Variants in LUZP1 observed in about 807,000 individuals in gnomAD.
LUZP1 encodes leucine zipper protein 1.
Under a neutral mutation model 71.3 loss-of-function variants are expected in LUZP1, and 25 were observed. That is an observed-to-expected ratio of 0.35 (90% CI 0.26 to 0.49). The LOEUF is 0.49. Ranked by LOEUF, LUZP1 falls within the 20% of genes least tolerant of loss-of-function variation. The probability of loss-of-function intolerance (pLI) is 0.99; values close to 1 mark genes in which losing one functional copy is unlikely to be tolerated. For missense variants in LUZP1, 1,142 were observed against 1,300.8 expected, an observed-to-expected ratio of 0.88 and a Z score of 1.88; for synonymous variants, 481 against 506.4, an observed-to-expected ratio of 0.95 and a Z score of 0.67.
intron 2 of LUZP1, among the ~76,000 whole-genome samples, chr1:23,142,696 TATATACACACACACACACACACACACAC>T (rs1394163750): frequency 7.7e-5 from 7 of 90,866 alleles, no homozygotes; most frequent in Admixed American, 1.1e-4. Context: ...AATATATATA[TATATACACACACACACACACACACACAC>T]ACACACACAC....
At chr1:23,160,481 T>G (rs1194144616) in intron 2 of LUZP1, among the ~76,000 whole-genome samples, 1 of 152,238 alleles carries the variant, frequency 6.6e-6, no homozygotes, top group Non-Finnish European at 1.5e-5. Context: ...AAGGAGAATC[T>G]GCTTTGTGGC....
At position 23,094,768 on chromosome 1, in the gene LUZP1, T is replaced by A. The variant is rs1643883900; in HGVS notation, c.-119-388A>T. Among the ~76,000 whole-genome samples the A allele has an allele frequency of 6.6e-6, 1 of 152,186 alleles. No individual in the cohort carries two copies. ...ATGGGCATAATGATGTCTACCGTAT[T>A]TCTCCCCAGTGTTGTTCTGAGATAA... On this transcript the variant is annotated intron_variant, in intron 3 of 4. Transcript: ENST00000302291. The surrounding 1 kb of genome is among the most constrained non-coding windows in gnomAD (Gnocchi z 4.7).
intron 2 of LUZP1, among the ~76,000 whole-genome samples, chr1:23,116,047 G>C (rs746113356): frequency 3.3e-5 from 5 of 152,236 alleles, no homozygotes; most frequent in Non-Finnish European, 7.4e-5. Context: ...CCAGGAGTTT[G>C]AGACCAGCCT....
chr1:23,156,123 G>A (rs1557687962), intron 2 of LUZP1, among the ~76,000 whole-genome samples: 2 of 152,186 alleles, frequency 1.3e-5, no homozygotes, highest in South Asian at 4.1e-4. Context: ...GCTCACACCT[G>A]TAATCCCAGC....
chr1:23,129,918 TATAA>T (rs1472541622), intron 2 of LUZP1, among the ~76,000 whole-genome samples: 1 of 152,200 alleles, frequency 6.6e-6, no homozygotes, highest in Non-Finnish European at 1.5e-5. Flanking sequence ...TTATAAATAT[TATAA>T]ATAAATAAGC....
chr1:23,101,300 A>G (rs1204920381), intron 3 of LUZP1, among the ~76,000 whole-genome samples: 1 of 152,204 alleles, frequency 6.6e-6, no homozygotes, highest in Non-Finnish European at 1.5e-5. Flanking sequence ...CCTTGCACAT[A>G]AGTCACAACA....
intron 2 of LUZP1, among the ~76,000 whole-genome samples, chr1:23,117,331 T>G (rs998428785): frequency 1.3e-5 from 2 of 152,230 alleles, no homozygotes; most frequent in African/African-American, 4.8e-5. Flanking sequence ...TTCATGGGAC[T>G]GTTGTAAGGA....
intron 3 of LUZP1, among the ~76,000 whole-genome samples, chr1:23,102,612 T>C (rs1481810999): frequency 6.6e-6 from 1 of 152,168 alleles, no homozygotes; most frequent in African/African-American, 2.4e-5. Flanking sequence ...ACCACATATA[T>C]ACTGTACAGA....
At chr1:23,150,841 T>C (rs1013774890) in intron 2 of LUZP1, among the ~76,000 whole-genome samples, 4 of 152,120 alleles carry the variant, frequency 2.6e-5, no homozygotes, top group Admixed American at 2.6e-4. Flanking sequence ...ACCTGAAATA[T>C]CCTTTAATTT....
chr1:23,086,710 C>T (rs1241052741), exon 5 of LUZP1: 2 of 152,630 alleles, frequency 1.3e-5, no homozygotes, highest in Non-Finnish European at 2.9e-5. Context: ...GGCAGGGAGG[C>T]TGCAAGTGAA....
At chr1:23,164,284 A>G (rs1644492838) in intron 2 of LUZP1, among the ~76,000 whole-genome samples, 1 of 152,184 alleles carries the variant, frequency 6.6e-6, no homozygotes, top group South Asian at 2.1e-4. Flanking sequence ...TCACGAGGTC[A>G]GGAGATCGAG....
intron 2 of LUZP1, among the ~76,000 whole-genome samples, chr1:23,121,307 G>C (rs769129884): frequency 6.6e-6 from 1 of 152,200 alleles, no homozygotes; most frequent in Non-Finnish European, 1.5e-5. Flanking sequence ...CTCAAGAGCA[G>C]AGATCACATC....
At chr1:23,117,476 T>TCTCTC (rs1553137824) in intron 2 of LUZP1, among the ~76,000 whole-genome samples, 2 of 39,682 alleles carry the variant, frequency 5.0e-5, no homozygotes, top group African/African-American at 1.5e-4. Flanking sequence ...TCTCTCTCTC[T>TCTCTC]CCCCCCCCCC....
At chr1:23,144,298 T>G (rs1644326444) in intron 2 of LUZP1, among the ~76,000 whole-genome samples, 1 of 151,906 alleles carries the variant, frequency 6.6e-6, no homozygotes, top group South Asian at 2.1e-4. Context: ...GATCTTGCAG[T>G]ACATACTGCA....
In LUZP1 at chr1:23,088,672, G is replaced by A. The variant is rs116072608; in HGVS notation, c.*223C>T. The A allele has an allele frequency of 5.3e-3, 2,678 of 504,034 alleles. 22 individuals are homozygous for A. Among genetic ancestry groups the A allele is most frequent in the Middle Eastern group, 0.02 (38 of 1,910 alleles). The allele number at this position is 504,034 out of a possible 1,614,324, so 31.2% of individuals were successfully genotyped here. ...AGGGACAAGGAGAGAGAGAGGACTC[G>A]TGCATTGGGGAAGGTTGGGCCTGGG... is the stretch of plus-strand genomic sequence containing the variant. On this transcript the variant is annotated 3_prime_UTR_variant, in exon 5 of 5. Transcript: ENST00000302291.
chr1:23,087,662 A>T (rs1387000578), exon 5 of LUZP1: 1 of 152,664 alleles, frequency 6.6e-6, no homozygotes, highest in Non-Finnish European at 1.5e-5. Context: ...CACTGCCAAG[A>T]ATATACAATT....
chr1:23,114,901 T>C (rs1439636964), intron 2 of LUZP1, among the ~76,000 whole-genome samples: 7 of 152,222 alleles, frequency 4.6e-5, no homozygotes, highest in African/African-American at 1.7e-4. Context: ...GACTAAATGA[T>C]ATTTAACAAT....
intron 2 of LUZP1, among the ~76,000 whole-genome samples, chr1:23,161,848 G>A (rs970101622): frequency 6.6e-6 from 1 of 151,872 alleles, no homozygotes; most frequent in Non-Finnish European, 1.5e-5. Context: ...ATAACATGGT[G>A]AAACTCCGTC....
intron 3 of LUZP1, among the ~76,000 whole-genome samples, chr1:23,101,749 T>G (rs1643933122): frequency 1.3e-5 from 2 of 152,206 alleles, no homozygotes; most frequent in South Asian, 4.1e-4. Flanking sequence ...AGAAATGCTT[T>G]GCTACCTCCT....
Sources: allele counts gnomAD v4.1 joint callset (sites outside exome capture counted in the v4.1 genomes callset), GRCh38; gene constraint gnomAD v4.1.1; non-coding constraint Gnocchi (gnomAD v3.1); transcripts MANE v1.5; gene names NCBI Gene and HGNC (gene_info 2026-07-23, HGNC 2026-07-21).